ZNF516: variants seen among roughly 807,000 people sequenced by gnomAD.
ZNF516 encodes zinc finger protein 516.
ZNF516 carries 19 observed loss-of-function variants against 79.7 expected under a neutral mutation model. The observed-to-expected ratio is 0.24, with a 90% CI of 0.17 to 0.35. The LOEUF (loss-of-function observed/expected upper bound fraction) is 0.35, where lower values mean the gene tolerates loss of function less well. Ranked by LOEUF, ZNF516 falls within the 10% of genes least tolerant of loss-of-function variation. The pLI, the probability that ZNF516 is intolerant of heterozygous loss-of-function variation, is 1.00. For missense variants in ZNF516, 1,678 were observed against 1,679.5 expected (o/e 1.00, Z 0.02); for synonymous variants, 877 against 739.5 (o/e 1.19, Z -3.02).
chr18:76,400,048 C>T (rs985977772), intron 3 of ZNF516, among the ~76,000 whole-genome samples: 18 of 152,306 alleles, frequency 1.2e-4, no homozygotes, highest in Admixed American at 1.2e-3. Context: ...CCAAGGGCAG[C>T]AGCCCTTCTG....
intron 6 of ZNF516, among the ~76,000 whole-genome samples, chr18:76,369,220 A>C (rs1469030141): frequency 6.6e-6 from 1 of 152,240 alleles, no homozygotes; most frequent in Non-Finnish European, 1.5e-5. Flanking sequence ...TACACTTGGA[A>C]ATCTTTTCAT....
intron 4 of ZNF516, 112 bp from the exon 5 acceptor site, chr18:76,371,683 GTGTC>G: frequency 1.3e-6 from 1 of 793,890 alleles, no homozygotes; most frequent in Non-Finnish European, 2.0e-6. Flanking sequence ...TCTGTCTAAT[GTGTC>G]ATCATGTGAG....
chr18:76,399,373 C>G (rs1027829017), intron 3 of ZNF516, among the ~76,000 whole-genome samples: 7 of 152,174 alleles, frequency 4.6e-5, no homozygotes, highest in African/African-American at 1.7e-4. Flanking sequence ...ATGCAGAGGG[C>G]TTTAAATTAA....
chr18:76,404,597 G>A (rs921190852), intron 3 of ZNF516, among the ~76,000 whole-genome samples: 13 of 152,208 alleles, frequency 8.5e-5, no homozygotes, highest in Non-Finnish European at 1.5e-4. Flanking sequence ...AAGCATGTGT[G>A]CATACTAGTG....
chr18:76,474,135 AAGAC>A (rs1395200391), intron 1 of ZNF516, among the ~76,000 whole-genome samples: 2 of 152,126 alleles, frequency 1.3e-5, no homozygotes, highest in Non-Finnish European at 2.9e-5. Context: ...AATACCTGAA[AAGAC>A]AAACAGAGAA....
intron 3 of ZNF516, among the ~76,000 whole-genome samples, chr18:76,424,508 TCCC>T (rs1258995916): frequency 2.4e-5 from 3 of 123,562 alleles, no homozygotes; most frequent in African/African-American, 6.5e-5. Context: ...GTGAAAAGGT[TCCC>T]CCATGAAACA....
At chr18:76,407,705 C>T (rs1209970597) in intron 3 of ZNF516, among the ~76,000 whole-genome samples, 1 of 152,256 alleles carries the variant, frequency 6.6e-6, no homozygotes, top group Non-Finnish European at 1.5e-5. Flanking sequence ...ACACGACATG[C>T]AGTTTAATCA....
intron 6 of ZNF516, among the ~76,000 whole-genome samples, chr18:76,363,007 A>G (rs971928947): frequency 1.3e-5 from 2 of 152,224 alleles, no homozygotes; most frequent in Non-Finnish European, 1.5e-5. Context: ...GGTCATACAA[A>G]CAAAAAGAAG....
chr18:76,430,391 AAC>A (rs1424468488), intron 3 of ZNF516, among the ~76,000 whole-genome samples: 3 of 152,360 alleles, frequency 2.0e-5, no homozygotes. Flanking sequence ...AATCAAAGGA[AAC>A]ACAATTTAAC....
chr18:76,494,118 G>T (rs1915378742), intron 1 of ZNF516, among the ~76,000 whole-genome samples: 1 of 152,160 alleles, frequency 6.6e-6, no homozygotes, highest in Non-Finnish European at 1.5e-5. Context: ...AATTGCGGGG[G>T]TCCACTGGCT....
At chr18:76,462,939 A>G (rs1010851091) in intron 2 of ZNF516, 89 bp downstream of exon 2, 24 of 152,220 alleles carry the variant, frequency 1.6e-4, no homozygotes, top group African/African-American at 4.8e-4. Flanking sequence ...CCATAAAGTA[A>G]TAACTGTTGT....
At chr18:76,432,467 C>T (rs1411104528) in intron 3 of ZNF516, among the ~76,000 whole-genome samples, 1 of 152,254 alleles carries the variant, frequency 6.6e-6, no homozygotes, top group African/African-American at 2.4e-5. Flanking sequence ...TACCTGCTTA[C>T]CAGGCCCATC....
chr18:76,392,020 C>T (rs563634319), intron 3 of ZNF516, among the ~76,000 whole-genome samples: 11 of 152,300 alleles, frequency 7.2e-5, no homozygotes, highest in Middle Eastern at 3.4e-3. Context: ...CTCACAACGC[C>T]GCCCCTGGCT....
upstream of ZNF516, chr18:76,496,287 C>T (rs577179262): frequency 8.5e-6 from 11 of 1,289,076 alleles, no homozygotes; most frequent in African/African-American, 1.4e-4. Context: ...AGGCTCCTGG[C>T]CGTATTGTTC....
Position 76,360,782 on chromosome 18 carries a change from T to G in ZNF516, c.*1716A>C. ...AGTAGAATCCAGAACCAAACATTAC[T>G]AATAACAATAACAATAATAATAATA... is the stretch of plus-strand genomic sequence containing the variant. On this transcript the variant is annotated 3_prime_UTR_variant, in exon 7 of 7. Transcript: ENST00000443185. 1 of 140,546 alleles carries G rather than the reference T, an allele frequency of 7.1e-6. No individual in the cohort carries two copies. Among genetic ancestry groups the G allele is most frequent in the South Asian group, 2.2e-4 (1 of 4,614 alleles). The allele number at this position is 140,546 out of a possible 1,614,324, so 8.7% of individuals were successfully genotyped here.
chr18:76,380,809 G>A (rs979612113), intron 3 of ZNF516, among the ~76,000 whole-genome samples: 3 of 151,782 alleles, frequency 2.0e-5, no homozygotes, highest in Non-Finnish European at 4.4e-5. Context: ...AGGACCCCCC[G>A]TGTCTGCCTC....
rs963704438 is a variant in ZNF516 at position 76,360,072 on chromosome 18, G to C, written c.*2426C>G. 1 of 152,216 alleles carries C rather than the reference G, an allele frequency of 6.6e-6. No individual in the cohort carries two copies. Among genetic ancestry groups the C allele is most frequent in the African/African-American group, 2.4e-5 (1 of 41,426 alleles). 9.4% of individuals were successfully genotyped at this position (152,216 alleles called of 1,614,324 possible). ...CACTCTGTGCACCCTGCGCGGCCCC[G>C]CAAGCTGACTGTCCTCCACGCCTGC... On this transcript the variant is annotated 3_prime_UTR_variant, in exon 7 of 7. Transcript: ENST00000443185.
At chr18:76,372,221 C>T (rs141385779) in intron 4 of ZNF516, among the ~76,000 whole-genome samples, 2 of 152,380 alleles carry the variant, frequency 1.3e-5, no homozygotes, top group African/African-American at 4.8e-5. Context: ...CATGCCACAT[C>T]CCTGCACTCA....
intron 3 of ZNF516, among the ~76,000 whole-genome samples, chr18:76,427,216 G>A (rs1257611797): frequency 3.3e-5 from 5 of 152,152 alleles, no homozygotes; most frequent in Non-Finnish European, 7.3e-5. Flanking sequence ...ACTTACGACT[G>A]GAACCATCTT....
Sources: allele counts gnomAD v4.1 joint callset (sites outside exome capture counted in the v4.1 genomes callset), GRCh38; gene constraint gnomAD v4.1.1; transcripts MANE v1.5; gene names NCBI Gene and HGNC (gene_info 2026-07-23, HGNC 2026-07-21).